Variants in SUMO2 observed in about 807,000 individuals in gnomAD.
SUMO2 encodes small ubiquitin-related modifier 2.
SUMO2 carries 1 observed loss-of-function variant against 16.0 expected under a neutral mutation model. That is an observed-to-expected ratio of 0.06 (90% CI 0.02 to 0.30). The LOEUF is 0.30. Ranked by LOEUF, SUMO2 falls within the 10% of genes least tolerant of loss-of-function variation. The pLI, the probability that SUMO2 is intolerant of heterozygous loss-of-function variation, is 1.00. For synonymous variants in SUMO2, 36 were observed against 40.6 expected, an observed-to-expected ratio of 0.89 and a Z score of 0.43; for missense variants, 16 against 117.5, an observed-to-expected ratio of 0.14 and a Z score of 3.99.
chr17:75,179,528 A>C (rs2074810209), intron 2 of SUMO2, among the ~76,000 whole-genome samples: 1 of 50,560 alleles, frequency 2.0e-5, no homozygotes, highest in Non-Finnish European at 3.6e-5. Context: ...ACTCTGTCTC[A>C]AAAAAAAAAA....
chr17:75,168,268 GT>G lies in SUMO2; in HGVS notation c.*70del. On this transcript the variant is annotated 3_prime_UTR_variant, in exon 4 of 4. Transcript: ENST00000420826. Reference sequence around the variant, plus strand: ...CAGGATGTGGTGGAACCAAATTGCAGTTTTCTAATTGAGAATGTAATCTTGG... The same window carrying G: ...CAGGATGTGGTGGAACCAAATTGCAGTTTCTAATTGAGAATGTAATCTTGG... 8.1e-7 allele frequency: 1 copy of G among 1,228,694 alleles called. No homozygotes were observed. Among genetic ancestry groups the G allele is most frequent in the Non-Finnish European group, 1.1e-6 (1 of 885,996 alleles). The allele number at this position is 1,228,694 out of a possible 1,614,324, so 76.1% of individuals were successfully genotyped here.
At chr17:75,181,999 A>G (rs1178304734) in intron 1 of SUMO2, among the ~76,000 whole-genome samples, 1 of 152,136 alleles carries the variant, frequency 6.6e-6, no homozygotes, top group Non-Finnish European at 1.5e-5. Flanking sequence ...CCAAACTAAA[A>G]GCAGCAAGTC....
chr17:75,172,257 C>G (rs2074745787), intron 3 of SUMO2, among the ~76,000 whole-genome samples: 1 of 151,022 alleles, frequency 6.6e-6, no homozygotes, highest in Admixed American at 6.6e-5. Flanking sequence ...AACTGCTGAC[C>G]TCAGGTGATC....
intron 2 of SUMO2, among the ~76,000 whole-genome samples, chr17:75,177,365 C>CA (rs539539250): frequency 1.9e-4 from 28 of 149,080 alleles, no homozygotes; most frequent in African/African-American, 4.4e-4. Context: ...GACTCCATCT[C>CA]AAAAAAAAAG....
rs149219673 is a variant in SUMO2 at position 75,166,563 on chromosome 17, T to C, written c.*1776A>G. The C allele has an allele frequency of 4.8e-4, 73 of 152,298 alleles. No individual in the cohort carries two copies. In the East Asian group the frequency reaches 5.2e-3, roughly 11 times the overall value. 9.4% of individuals were successfully genotyped at this position (152,298 alleles called of 1,614,324 possible). On this transcript the variant is annotated 3_prime_UTR_variant, in exon 4 of 4. Coordinates refer to ENST00000420826, the MANE Select transcript of SUMO2 (RefSeq NM_006937.4). The stretch of plus-strand genomic sequence containing the variant: ...CAGCACATTGGGAGGCTAAGGCAGA[T>C]AGATCACTTAAGATCAGGGGTTTGA...
At chr17:75,169,663 G>A (rs527796361) in intron 3 of SUMO2, among the ~76,000 whole-genome samples, 17 of 152,082 alleles carry the variant, frequency 1.1e-4, no homozygotes, top group East Asian at 9.7e-4. Flanking sequence ...GATTATAGGC[G>A]TGAACCACTG....
chr17:75,171,460 G>A (rs1172122380), intron 3 of SUMO2, among the ~76,000 whole-genome samples: 1 of 151,836 alleles, frequency 6.6e-6, no homozygotes, highest in Non-Finnish European at 1.5e-5. Context: ...GTTGCAGTGA[G>A]CTGAGATCAC....
chr17:75,173,732 G>A (rs1045305349), intron 3 of SUMO2, among the ~76,000 whole-genome samples: 1 of 152,096 alleles, frequency 6.6e-6, no homozygotes, highest in Non-Finnish European at 1.5e-5. Flanking sequence ...CCACCTTGGC[G>A]TCACAGTGCT....
At position 75,178,349 on chromosome 17, in the gene SUMO2, A is replaced by G. The variant is rs2074800220; in HGVS notation, c.153+2708T>C. Among the ~76,000 whole-genome samples, 3 of 151,834 alleles carry G rather than the reference A, an allele frequency of 2.0e-5. No individual in the cohort carries two copies. The South Asian group carries it at 6.3e-4, about 32-fold the overall frequency. On this transcript the variant is annotated intron_variant, in intron 2 of 3. Transcript: ENST00000420826. ...GCCAATATTGTGAAACCCCGTCTCT[A>G]CAAAAAATACAAAAATTGGCTGGGC...
rs562677585 is a variant in SUMO2 at position 75,170,836 on chromosome 17, C to T, written c.226-2435G>A. Among the ~76,000 whole-genome samples the T allele has an allele frequency of 1.4e-4, 19 of 136,850 alleles. No individual in the cohort carries two copies. In the South Asian group the frequency reaches 3.2e-3, roughly 23 times the overall value. 89.8% of individuals were successfully genotyped at this position (136,850 alleles called of 152,430 possible). A position where few individuals can be genotyped will look rare whatever the true frequency, so the allele number is the denominator to read the frequency against. ...CTGCACTCCAGCCTGGGTGACAGTGCGAGACTCCAGGTCTCAAAAAAAAAA... is the reference window on the plus strand; with the variant it reads ...CTGCACTCCAGCCTGGGTGACAGTGTGAGACTCCAGGTCTCAAAAAAAAAA... On this transcript the variant is annotated intron_variant, in intron 3 of 3. Transcript: ENST00000420826.
Position 75,182,911 on chromosome 17 carries a change from C to T in SUMO2, c.-77G>A. On this transcript the variant is annotated 5_prime_UTR_variant, in exon 1 of 4. Transcript: ENST00000420826. ...CCGCACCAAACGAGCACACAAGCAG[C>T]ACCAGGAGCGGCAGAAGAAGGAGGC... 1.6e-6 allele frequency: 2 copies of T among 1,224,692 alleles called. No individual in the cohort carries two copies. The highest frequency in any genetic ancestry group is 1.0e-6 in the Non-Finnish European group (1 of 956,104). 75.9% of individuals were successfully genotyped at this position (1,224,692 alleles called of 1,614,324 possible).
chr17:75,180,907 A>ATACCAAGTGCACGACAAAACTGACG, intron 2 of SUMO2, 150 bp downstream of exon 2: 3 of 811,784 alleles, frequency 3.7e-6, no homozygotes, highest in Non-Finnish European at 5.9e-6. Context: ...AGCTATCAAT[A>ATACCAAGTGCACGACAAAACTGACG]TACCAAGTGC....
rs2074702877 is a variant in SUMO2 at position 75,167,639 on chromosome 17, C to T, written c.*700G>A. On this transcript the variant is annotated 3_prime_UTR_variant, in exon 4 of 4. Transcript: ENST00000420826. Reference sequence around the variant, plus strand: ...CAGAAACACCAAGTAGCTTTATTTCCTTCTTGAAATGTTACTTCTAAGCAG... The same window carrying T: ...CAGAAACACCAAGTAGCTTTATTTCTTTCTTGAAATGTTACTTCTAAGCAG... The T allele has an allele frequency of 6.6e-6, 1 of 152,288 alleles. No individual in the cohort carries two copies. The highest frequency in any genetic ancestry group is 2.4e-5 in the African/African-American group (1 of 41,426). The allele number at this position is 152,288 out of a possible 1,614,324, so 9.4% of individuals were successfully genotyped here.
chr17:75,168,478 T>C (rs2074710324), intron 3 of SUMO2, 77 bp from the exon 4 acceptor site: 1 of 1,267,234 alleles, frequency 7.9e-7, no homozygotes, highest in South Asian at 1.4e-5. Flanking sequence ...TTAAGTATGC[T>C]GAAAACATGT....
intron 3 of SUMO2, among the ~76,000 whole-genome samples, chr17:75,171,781 G>A (rs2074740762): frequency 6.6e-6 from 1 of 152,166 alleles, no homozygotes; most frequent in Admixed American, 6.5e-5. Context: ...GGTAAGGAGG[G>A]CTTAAAGACA....
At position 75,180,392 on chromosome 17, in the gene SUMO2, T is replaced by TAAAAAAAAAAAAAA. The variant is rs58684188; in HGVS notation, c.153+651_153+664dup. On this transcript the variant is annotated intron_variant, in intron 2 of 3. Coordinates refer to ENST00000420826, the MANE Select transcript of SUMO2 (RefSeq NM_006937.4). ...AAGAAATAGAGTGAGACTCCCAGCT[T>TAAAAAAAAAAAAAA]AAAAAAAAAAAAAAAAAAAAAAAAA... 2.2e-4 allele frequency among the ~76,000 whole-genome samples: 10 copies of TAAAAAAAAAAAAAA among 44,862 alleles called. 2 individuals carry two copies. Among genetic ancestry groups the TAAAAAAAAAAAAAA allele is most frequent in the Non-Finnish European group, 3.5e-4 (9 of 25,842 alleles). 29.4% of individuals were successfully genotyped at this position (44,862 alleles called of 152,430 possible). A position where few individuals can be genotyped will look rare whatever the true frequency, so the allele number is the denominator to read the frequency against.
At chr17:75,175,743 C>T (rs2074777517) in intron 2 of SUMO2, among the ~76,000 whole-genome samples, 1 of 151,416 alleles carries the variant, frequency 6.6e-6, no homozygotes. Flanking sequence ...AGTGGTTCTC[C>T]TGCCTCAGCC....
chr17:75,169,029 G>C (rs2074714173), intron 3 of SUMO2, among the ~76,000 whole-genome samples: 1 of 150,348 alleles, frequency 6.7e-6, no homozygotes, highest in Admixed American at 6.7e-5. Context: ...AGACCACCTG[G>C]GCAACATAGG....
intron 2 of SUMO2, among the ~76,000 whole-genome samples, chr17:75,178,581 G>A (rs955180613): frequency 6.6e-6 from 1 of 151,934 alleles, no homozygotes; most frequent in Non-Finnish European, 1.5e-5. Flanking sequence ...GTTTGTTTGT[G>A]GTTTTGAGAC....
Sources: allele counts gnomAD v4.1 joint callset (sites outside exome capture counted in the v4.1 genomes callset), GRCh38; gene constraint gnomAD v4.1.1; transcripts MANE v1.5; gene names NCBI Gene and HGNC (gene_info 2026-07-23, HGNC 2026-07-21).